The following HNRNPM variants were observed in gnomAD, a reference collection of about 807,000 sequenced individuals.
The protein encoded by HNRNPM is heterogeneous nuclear ribonucleoprotein M, also known as CEA receptor.
In HNRNPM, 11 loss-of-function variants were observed where a neutral mutation model predicts 73.1. The ratio of observed to expected loss-of-function variants is 0.15; its 90% CI spans 0.09 to 0.25. The LOEUF is 0.25. Among genes scored for constraint, HNRNPM ranks in the 10% least tolerant of loss-of-function variants. The pLI is 1.00. For missense variants in HNRNPM, 789 were observed against 1,067.9 expected, an observed-to-expected ratio of 0.74 and a Z score of 3.64; for synonymous variants, 407 against 355.2, an observed-to-expected ratio of 1.15 and a Z score of -1.64.
At chr19:8,457,656 T>A (rs374764155) in intron 2 of HNRNPM, among the ~76,000 whole-genome samples, 3 of 152,212 alleles carry the variant, frequency 2.0e-5, no homozygotes, top group Non-Finnish European at 4.4e-5. Flanking sequence ...ATTCAGTATG[T>A]GAGGTCTAAA....
Position 8,488,886 on chromosome 19 carries a change from C to G in HNRNPM, c.*32C>G, listed in dbSNP as rs1180833378. On this transcript the variant is annotated 3_prime_UTR_variant, in exon 16 of 16. Transcript: ENST00000325495. Reference sequence around the variant, plus strand: ...GCCTTTTTTAAACATCGATACGAGACCTCTGAATTTGTATTTTTTCTTGTT... The same window carrying G: ...GCCTTTTTTAAACATCGATACGAGAGCTCTGAATTTGTATTTTTTCTTGTT... 5.2e-6 allele frequency: 8 copies of G among 1,545,494 alleles called. No homozygotes were observed. The highest frequency in any genetic ancestry group is 2.3e-5 in the East Asian group (1 of 43,962).
chr19:8,481,298 G>GGA (rs1256580195), intron 12 of HNRNPM, among the ~76,000 whole-genome samples: 1 of 152,228 alleles, frequency 6.6e-6, no homozygotes, highest in Non-Finnish European at 1.5e-5. Flanking sequence ...GGACGCTGGT[G>GGA]GAGACGTTGG....
intron 11 of HNRNPM, 39 bp from the exon 12 acceptor site, chr19:8,474,124 GCAGT>G: frequency 7.1e-7 from 1 of 1,407,736 alleles, no homozygotes; most frequent in Non-Finnish European, 9.7e-7. Context: ...CTTAGTCTAA[GCAGT>G]CTTGTTGGAT....
intron 2 of HNRNPM, 149 bp downstream of exon 2, chr19:8,455,723 C>A: frequency 2.0e-6 from 1 of 504,574 alleles, no homozygotes; most frequent in Non-Finnish European, 3.4e-6. Flanking sequence ...TACCCCACCT[C>A]AGTTTTTTTT....
At position 8,489,015 on chromosome 19, in the gene HNRNPM, C is replaced by T. The variant is rs555346188; in HGVS notation, c.*161C>T. On this transcript the variant is annotated 3_prime_UTR_variant, in exon 16 of 16. Transcript: ENST00000325495. ...TTTTAATGACTGGGGTTCCATTTGACTGTTTGCATTGAGATTGCAATGTGC... is the reference window on the plus strand; with the variant it reads ...TTTTAATGACTGGGGTTCCATTTGATTGTTTGCATTGAGATTGCAATGTGC... 296 of 656,206 alleles carry T rather than the reference C, an allele frequency of 4.5e-4. 3 individuals are homozygous for T. In the South Asian group the frequency reaches 6.2e-3, roughly 14 times the overall value. The allele number at this position is 656,206 out of a possible 1,614,324, so 40.6% of individuals were successfully genotyped here.
intron 1 of HNRNPM, among the ~76,000 whole-genome samples, chr19:8,452,496 G>C (rs1968699920): frequency 6.6e-6 from 1 of 152,192 alleles, no homozygotes; most frequent in Admixed American, 6.5e-5. Context: ...TTTGGTGAAG[G>C]ACTTTCTTTT....
chr19:8,475,675 C>T (rs1383587259), intron 12 of HNRNPM, among the ~76,000 whole-genome samples: 1 of 152,178 alleles, frequency 6.6e-6, no homozygotes, highest in Non-Finnish European at 1.5e-5. Flanking sequence ...CAGAGGTCTG[C>T]GTTTCCAGTG....
chr19:8,459,696 T>A (rs1193497237), intron 2 of HNRNPM, among the ~76,000 whole-genome samples: 1 of 152,192 alleles, frequency 6.6e-6, no homozygotes, highest in Non-Finnish European at 1.5e-5. Flanking sequence ...CAAAAACAAA[T>A]ACTCATTTGG....
At chr19:8,468,045 A>G (rs969638611) in intron 8 of HNRNPM, among the ~76,000 whole-genome samples, 2 of 152,168 alleles carry the variant, frequency 1.3e-5, no homozygotes, top group Middle Eastern at 3.2e-3. Context: ...AAAAGAAGAA[A>G]AAAAAACATT....
chr19:8,473,533 A>T (rs1307119657), intron 10 of HNRNPM, 131 bp from the exon 11 acceptor site: 3 of 652,000 alleles, frequency 4.6e-6, no homozygotes, highest in Non-Finnish European at 8.2e-6. Context: ...TGATTAAAAT[A>T]TATAAAATAT....
Position 8,445,047 on chromosome 19 carries a change from A to C in HNRNPM, c.49A>C (p.Lys17Gln). 2 of 1,430,248 alleles carry C rather than the reference A, an allele frequency of 1.4e-6. No individual in the cohort carries two copies. Among genetic ancestry groups the C allele is most frequent in the Non-Finnish European group, 1.8e-6 (2 of 1,095,804 alleles). The allele number at this position is 1,430,248 out of a possible 1,614,324, so 88.6% of individuals were successfully genotyped here. The change falls in exon 1 of 16, where the codon AAA becomes CAA. Residue 17 changes from lysine to glutamine, a missense_variant. Coordinates refer to ENST00000325495, the MANE Select transcript of HNRNPM (RefSeq NM_005968.5). ...GGCGGAGGTGGCGGCGACGGAGATCAAAATGGAGGAAGAGAGCGGCGCGCC... is the reference window on the plus strand; with the variant it reads ...GGCGGAGGTGGCGGCGACGGAGATCCAAATGGAGGAAGAGAGCGGCGCGCC... ...AAAEVAATEI[K>Q]MEEESGAPGV...
intron 12 of HNRNPM, among the ~76,000 whole-genome samples, chr19:8,477,947 A>G (rs1055796636): frequency 1.3e-5 from 2 of 152,166 alleles, no homozygotes; most frequent in Non-Finnish European, 2.9e-5. Context: ...ATTTCTTTTT[A>G]AAGTGGTAGT....
At chr19:8,487,416 G>T (rs1971392083) in intron 15 of HNRNPM, 2 of 295,634 alleles carry the variant, frequency 6.8e-6, no homozygotes, top group South Asian at 6.1e-5. Flanking sequence ...CCCAGACGAG[G>T]TCGCTTTCCC....
intron 5 of HNRNPM, among the ~76,000 whole-genome samples, 153 bp from the exon 6 acceptor site, chr19:8,465,171 G>T (rs141213397): frequency 6.6e-6 from 1 of 152,154 alleles, no homozygotes; most frequent in African/African-American, 2.4e-5. Context: ...TAAGCTGGTA[G>T]TTGAGTTCAT....
At chr19:8,454,851 A>G (rs1163383019) in intron 1 of HNRNPM, among the ~76,000 whole-genome samples, 1 of 151,868 alleles carries the variant, frequency 6.6e-6, no homozygotes, top group Non-Finnish European at 1.5e-5. Flanking sequence ...TGGCCTCACC[A>G]TTGTCTCTGT....
chr19:8,445,199 T>C, intron 1 of HNRNPM, 88 bp downstream of exon 1: 1 of 1,173,160 alleles, frequency 8.5e-7, no homozygotes, highest in Non-Finnish European at 1.1e-6. Context: ...GTTGGCGGCC[T>C]AGCCCCGGCG....
chr19:8,457,718 T>C (rs1341453658), intron 2 of HNRNPM, among the ~76,000 whole-genome samples: 2 of 152,232 alleles, frequency 1.3e-5, no homozygotes, highest in African/African-American at 2.4e-5. Context: ...ACTCTTCTTA[T>C]TACGTGCTTT....
At chr19:8,478,806 C>T (rs1233197591) in intron 12 of HNRNPM, among the ~76,000 whole-genome samples, 2 of 152,040 alleles carry the variant, frequency 1.3e-5, no homozygotes, top group African/African-American at 4.8e-5. Flanking sequence ...GTTTCATGGC[C>T]CTCTGGCTCC....
chr19:8,458,769 T>G (rs1022199603), intron 2 of HNRNPM, among the ~76,000 whole-genome samples: 5 of 152,228 alleles, frequency 3.3e-5, no homozygotes, highest in African/African-American at 1.2e-4. Context: ...GACAGAAAAC[T>G]AAGGCCCAGA....
Sources: allele counts gnomAD v4.1 joint callset (sites outside exome capture counted in the v4.1 genomes callset), GRCh38; gene constraint gnomAD v4.1.1; transcripts MANE v1.5; gene names NCBI Gene and HGNC (gene_info 2026-07-23, HGNC 2026-07-21).